Variants in PROX1 observed in about 807,000 individuals in gnomAD.
The protein encoded by PROX1 is prospero homeobox 1, also known as prospero homeobox protein 1.
Under a neutral mutation model 58.8 loss-of-function variants are expected in PROX1, and 7 were observed. The observed-to-expected ratio is 0.12, with a 90% confidence interval of 0.07 to 0.22. The LOEUF (loss-of-function observed/expected upper bound fraction) is 0.22. Among genes scored for constraint, PROX1 ranks in the 10% least tolerant of loss-of-function variants. The pLI is 1.00. For missense variants in PROX1, 675 were observed against 927.8 expected (o/e 0.73, Z 3.54); for synonymous variants, 350 against 358.3 (o/e 0.98, Z 0.26).
chr1:214,034,750 A>G (rs1237866251), intron 4 of PROX1, among the ~76,000 whole-genome samples: 1 of 152,156 alleles, frequency 6.6e-6, no homozygotes, highest in Non-Finnish European at 1.5e-5. Context: ...GGGTTCTAAA[A>G]TGAATATTTG....
At chr1:214,002,405 C>CTTTT (rs1558173747) in intron 2 of PROX1, among the ~76,000 whole-genome samples, 9 of 121,530 alleles carry the variant, frequency 7.4e-5, no homozygotes, top group East Asian at 2.5e-4. Flanking sequence ...TTTTTTTTTT[C>CTTTT]TTTTTTCTTT....
At chr1:214,016,638 C>T (rs758715689) in intron 4 of PROX1, among the ~76,000 whole-genome samples, 1 of 152,202 alleles carries the variant, frequency 6.6e-6, no homozygotes. Flanking sequence ...TGAATGTTCT[C>T]TAAATATATG....
intron 4 of PROX1, among the ~76,000 whole-genome samples, chr1:214,018,692 A>G (rs905950756): frequency 1.3e-5 from 2 of 152,236 alleles, no homozygotes; most frequent in Non-Finnish European, 2.9e-5. Flanking sequence ...AGTGTTCATG[A>G]CAACTTCAAG....
chr1:213,995,590 A>AACT (rs1475762886), intron 1 of PROX1, among the ~76,000 whole-genome samples: 1 of 152,102 alleles, frequency 6.6e-6, no homozygotes, highest in Non-Finnish European at 1.5e-5. Flanking sequence ...TCCTGAAGAT[A>AACT]TATTTATCTT....
At chr1:214,020,507 T>G (rs958919460) in intron 4 of PROX1, among the ~76,000 whole-genome samples, 1 of 152,214 alleles carries the variant, frequency 6.6e-6, no homozygotes, top group Non-Finnish European at 1.5e-5. Context: ...AAAACATTTC[T>G]CTCTCTAAAG....
At position 213,997,117 on chromosome 1, in the gene PROX1, C is replaced by A. The variant is rs1227584888; in HGVS notation, c.582C>A (p.Ala194=). ...LRGNENEREM[A]PQSVSPRESY... ...GCAATGAAAATGAAAGAGAGATGGCCCCGCAGTCTGTGAGTCCCCGAGAAA... is the reference window on the plus strand; with the variant it reads ...GCAATGAAAATGAAAGAGAGATGGCACCGCAGTCTGTGAGTCCCCGAGAAA... The change falls in exon 2 of 5, where the codon GCC becomes GCA. Residue 194 remains alanine, a synonymous_variant. Transcript: ENST00000366958. This position sits in a 1 kb window ranked among gnomAD's most constrained non-coding sequence, Gnocchi z 7.1. The A allele has an allele frequency of 6.2e-7, 1 of 1,613,664 alleles. No homozygotes were observed. Among genetic ancestry groups the A allele is most frequent in the Admixed American group, 1.7e-5 (1 of 59,930 alleles).
At chr1:214,023,365 AT>A (rs1381170874) in intron 4 of PROX1, among the ~76,000 whole-genome samples, 1 of 148,268 alleles carries the variant, frequency 6.7e-6, no homozygotes, top group Non-Finnish European at 1.5e-5. Flanking sequence ...TTATTTTTTT[AT>A]TTTTTTGAGA....
Position 214,038,411 on chromosome 1 carries a change from T to G in PROX1, c.*2577T>G, listed in dbSNP as rs565668380. The G allele has an allele frequency of 6.6e-6, 1 of 152,062 alleles. No homozygotes were observed. Among genetic ancestry groups the G allele is most frequent in the African/African-American group, 2.4e-5 (1 of 41,478 alleles). The allele number at this position is 152,062 out of a possible 1,614,324, so 9.4% of individuals were successfully genotyped here. ...TTTGATTTTTTTTTTTTAATCACCA[T>G]CTTTCAAATCTTAGCTCAACTCTCA... is the stretch of plus-strand genomic sequence containing the variant. On this transcript the variant is annotated 3_prime_UTR_variant, in exon 5 of 5. Coordinates refer to ENST00000366958, the MANE Select transcript of PROX1 (RefSeq NM_001270616.2).
intron 1 of PROX1, among the ~76,000 whole-genome samples, chr1:213,994,374 G>C (rs1190099084): frequency 6.6e-6 from 1 of 152,058 alleles, no homozygotes; most frequent in Non-Finnish European, 1.5e-5. Flanking sequence ...TAAAAATAAG[G>C]GCAATAAGCT....
Position 213,997,799 on chromosome 1 carries a change from G to A in PROX1, c.1264G>A (p.Asp422Asn), listed in dbSNP as rs1663333102. The A allele has an allele frequency of 5.6e-6, 9 of 1,614,180 alleles. No individual in the cohort carries two copies. Among genetic ancestry groups the A allele is most frequent in the Non-Finnish European group, 6.8e-6 (8 of 1,180,030 alleles). Residue 422 changes from aspartate (D) to asparagine (N), a missense_variant, in exon 2 of 5, where the codon GAC becomes AAC. By Grantham distance (23) the Asp-to-Asn change is conservative. This residue lies in a region of PROX1 where 403 missense variants were observed against 477.4 expected (regional missense o/e 0.84). Coordinates refer to ENST00000366958, the MANE Select transcript of PROX1 (RefSeq NM_001270616.2). The surrounding 1 kb of genome is among the most constrained non-coding windows in gnomAD (Gnocchi z 7.1). The stretch of plus-strand genomic sequence containing the variant: ...CGACGTCATCATTCCGAACCCCCTG[G>A]ACACCTTTGGCAATGTGCAGATGGC... ...FGDVIIPNPL[D>N]TFGNVQMASS... is the part of the protein sequence containing the mutation.
chr1:214,025,096 C>T (rs1664406902), intron 4 of PROX1, among the ~76,000 whole-genome samples: 1 of 152,214 alleles, frequency 6.6e-6, no homozygotes, highest in Non-Finnish European at 1.5e-5. Context: ...CTGTTTAGCA[C>T]ATTTAAATAT....
At position 213,997,972 on chromosome 1, in the gene PROX1, C is replaced by T; in HGVS notation, c.1437C>T (p.Thr479=). 6.2e-7 allele frequency: 1 copy of T among 1,614,032 alleles called. No individual in the cohort carries two copies. Among genetic ancestry groups the T allele is most frequent in the Non-Finnish European group, 8.5e-7 (1 of 1,179,950 alleles). The change falls in exon 2 of 5, where the codon ACC becomes ACT. Residue 479 remains threonine, a synonymous_variant. Coordinates refer to ENST00000366958, the MANE Select transcript of PROX1 (RefSeq NM_001270616.2). The surrounding 1 kb of genome is among the most constrained non-coding windows in gnomAD (Gnocchi z 7.1). ...LSATTGFTTS[T]FRHPFPLPLM... ...CCACCACGGGCTTCACCACGTCCAC[C>T]TTCCGCCACCCCTTCCCCCTTCCCT...
intron 3 of PROX1, among the ~76,000 whole-genome samples, chr1:214,010,151 T>G (rs1663857692): frequency 6.6e-6 from 1 of 152,060 alleles, no homozygotes; most frequent in Admixed American, 6.6e-5. Flanking sequence ...AATTCTTGGA[T>G]AGGTTAAGTA....
intron 4 of PROX1, among the ~76,000 whole-genome samples, chr1:214,013,104 T>G (rs1663972333): frequency 6.6e-6 from 1 of 151,454 alleles, no homozygotes; most frequent in African/African-American, 2.4e-5. Flanking sequence ...ACTAATATAT[T>G]TTTTGCCAAA....
chr1:213,986,444 G>A (rs1662827736), upstream of PROX1: 1 of 152,156 alleles, frequency 6.6e-6, no homozygotes, highest in African/African-American at 2.4e-5. Context: ...TTCAAAGGGA[G>A]GGCTTAATAT....
intron 4 of PROX1, among the ~76,000 whole-genome samples, chr1:214,012,753 A>AT (rs1663958098): frequency 6.6e-6 from 1 of 152,076 alleles, no homozygotes; most frequent in African/African-American, 2.4e-5. Context: ...GAGGGTAGGA[A>AT]TTTTTTCTCC....
chr1:213,994,231 G>T (rs1020036800), intron 1 of PROX1, among the ~76,000 whole-genome samples: 1 of 152,204 alleles, frequency 6.6e-6, no homozygotes, highest in African/African-American at 2.4e-5. Context: ...AGTCCAGTTT[G>T]GGTGTTAGGG....
In PROX1 at chr1:213,996,799, A is replaced by G. The variant is rs140658485; in HGVS notation, c.264A>G (p.Pro88=). Reference sequence around the variant, plus strand: ...ATGAAGATGCCATGATGCCTTTTCCAGGAGCAACCATAATTTCCCAGCTGT... The same window carrying G: ...ATGAAGATGCCATGATGCCTTTTCCGGGAGCAACCATAATTTCCCAGCTGT... ...NSYEDAMMPF[P]GATIISQLLK... The change falls in exon 2 of 5, where the codon CCA becomes CCG. Residue 88 remains proline, a synonymous_variant. Transcript: ENST00000366958. 9 of 1,614,074 alleles carry G rather than the reference A, an allele frequency of 5.6e-6. No homozygotes were observed. Among genetic ancestry groups the G allele is most frequent in the African/African-American group, 1.3e-5 (1 of 74,916 alleles).
At chr1:213,986,879 T>C (rs752469949), upstream of PROX1, among the ~76,000 whole-genome samples, 6 of 152,216 alleles carry the variant, frequency 3.9e-5, no homozygotes, top group Non-Finnish European at 8.8e-5. Context: ...AGCCACATTA[T>C]CTAAAGAAAT....
Sources: allele counts gnomAD v4.1 joint callset (sites outside exome capture counted in the v4.1 genomes callset), GRCh38; gene constraint gnomAD v4.1.1; regional missense constraint gnomAD v4.1.1; non-coding constraint Gnocchi (gnomAD v3.1); transcripts MANE v1.5; gene names NCBI Gene and HGNC (gene_info 2026-07-23, HGNC 2026-07-21).